The following THRB variants were observed in gnomAD, a reference collection of about 807,000 sequenced individuals.
THRB encodes the protein nuclear receptor subfamily 1 group A member 2.
THRB carries 12 observed loss-of-function variants against 47.8 expected under a neutral mutation model. The ratio of observed to expected loss-of-function variants is 0.25; its 90% CI spans 0.16 to 0.41. The LOEUF is 0.41. Among genes scored for constraint, THRB ranks in the 10% least tolerant of loss-of-function variants. The pLI is 1.00. For missense variants in THRB, 348 were observed against 589.2 expected (o/e 0.59, Z 4.24); for synonymous variants, 218 against 212.2 (o/e 1.03, Z -0.24).
intron 8 of THRB, among the ~76,000 whole-genome samples, chr3:24,141,035 A>G (rs1384753389): frequency 6.6e-6 from 1 of 152,252 alleles, no homozygotes. Flanking sequence ...CCCTCTAGGG[A>G]AAAATGGCTC....
In THRB at chr3:24,273,798, C is replaced by A. The variant is rs537738781; in HGVS notation, c.-43+23428G>T. ...ACAATACTATCTTCCCGAACCCCCC[C>A]ACCCCTCAAAAACCCAAGCAAACAA... is the stretch of plus-strand genomic sequence containing the variant. On this transcript the variant is annotated intron_variant, in intron 3 of 10. Transcript: ENST00000646209. Among the ~76,000 whole-genome samples the A allele has an allele frequency of 9.2e-5, 14 of 152,178 alleles. No homozygotes were observed. In the South Asian group the frequency reaches 1.9e-3, roughly 20 times the overall value.
At chr3:24,278,837 C>CATTT (rs1174463755) in intron 3 of THRB, among the ~76,000 whole-genome samples, 9 of 152,070 alleles carry the variant, frequency 5.9e-5, no homozygotes, top group Admixed American at 2.6e-4. Context: ...ATTTATATTA[C>CATTT]ATTTATTTAT....
chr3:24,397,938 G>A (rs750722048), intron 1 of THRB, among the ~76,000 whole-genome samples: 6 of 152,052 alleles, frequency 3.9e-5, no homozygotes, highest in Non-Finnish European at 7.4e-5. Context: ...TACTGGTGGC[G>A]TCAGACCGAA....
At chr3:24,329,161 T>C (rs766168936) in intron 2 of THRB, among the ~76,000 whole-genome samples, 1 of 151,976 alleles carries the variant, frequency 6.6e-6, no homozygotes, top group Non-Finnish European at 1.5e-5. Flanking sequence ...CCTAGGGTGG[T>C]CTCAAACTCC....
intron 2 of THRB, among the ~76,000 whole-genome samples, chr3:24,328,535 C>A (rs920050686): frequency 2.0e-5 from 3 of 152,220 alleles, no homozygotes; most frequent in Non-Finnish European, 4.4e-5. Flanking sequence ...CACCTACTTA[C>A]ACCCACTGCT....
At chr3:24,307,459 A>G (rs568647121) in intron 2 of THRB, among the ~76,000 whole-genome samples, 3 of 152,194 alleles carry the variant, frequency 2.0e-5, no homozygotes, top group Admixed American at 2.0e-4. Flanking sequence ...TCATAACCGA[A>G]CCATTTTCCC....
At chr3:24,303,925 T>C (rs1192471462) in intron 2 of THRB, among the ~76,000 whole-genome samples, 1 of 152,248 alleles carries the variant, frequency 6.6e-6, no homozygotes, top group Non-Finnish European at 1.5e-5. Flanking sequence ...CGATGTTTAA[T>C]TCCAGGAATA....
intron 3 of THRB, among the ~76,000 whole-genome samples, chr3:24,234,723 T>G (rs2048691153): frequency 6.6e-6 from 1 of 152,190 alleles, no homozygotes; most frequent in South Asian, 2.1e-4. Flanking sequence ...TGTAATTAAT[T>G]ACACCTGTAT....
chr3:24,226,625 C>G (rs894027766), intron 4 of THRB, among the ~76,000 whole-genome samples: 1 of 152,182 alleles, frequency 6.6e-6, no homozygotes, highest in Non-Finnish European at 1.5e-5. Flanking sequence ...CTGGCTTACC[C>G]TAGAGCTGTC....
intron 9 of THRB, among the ~76,000 whole-genome samples, chr3:24,128,863 C>CT (rs57890674): frequency 0.15 from 13,327 of 86,342 alleles, 2,177 homozygotes; most frequent in Non-Finnish European, 0.21. Context: ...AAACATAACT[C>CT]TTTTTTTTTT....
chr3:24,202,858 T>C (rs1040677359), intron 4 of THRB, among the ~76,000 whole-genome samples: 1 of 152,216 alleles, frequency 6.6e-6, no homozygotes, highest in African/African-American at 2.4e-5. Flanking sequence ...ACCTTTGCTA[T>C]CTTCTACAGG....
intron 4 of THRB, among the ~76,000 whole-genome samples, chr3:24,220,668 A>G (rs1001915107): frequency 6.6e-6 from 1 of 152,182 alleles, no homozygotes; most frequent in Non-Finnish European, 1.5e-5. Context: ...GTTTTTGCTA[A>G]TCTGACTAAA....
intron 1 of THRB, among the ~76,000 whole-genome samples, chr3:24,390,643 T>C (rs2066487475): frequency 6.6e-6 from 1 of 152,004 alleles, no homozygotes; most frequent in African/African-American, 2.4e-5. Flanking sequence ...TAGCTTTGCT[T>C]TATGGCCTTG....
rs192159911 is a variant in THRB, at chr3:24,454,067, C to T, written c.-261+40585G>A. ...AAAACGAAATAAAAATTTTGCAAAT[C>T]ATATCTCTGATAAGAAACTTGTATC... On this transcript the variant is annotated intron_variant, in intron 1 of 10. Coordinates refer to ENST00000646209, the MANE Select transcript of THRB (RefSeq NM_001354712.2). Among the ~76,000 whole-genome samples, 13 of 152,246 alleles carry T rather than the reference C, an allele frequency of 8.5e-5. No homozygotes were observed. The Middle Eastern group carries it at 0.01, about 120-fold the overall frequency.
intron 2 of THRB, among the ~76,000 whole-genome samples, chr3:24,321,852 C>G (rs9857466): frequency 0.47 from 71,959 of 151,816 alleles, 18,542 homozygotes; most frequent in African/African-American, 0.65. Flanking sequence ...TTTGAAGACA[C>G]CATGAAAAAT....
chr3:24,344,425 T>C (rs940623922), intron 1 of THRB, among the ~76,000 whole-genome samples: 2 of 152,124 alleles, frequency 1.3e-5, no homozygotes, highest in African/African-American at 4.8e-5. Flanking sequence ...TTTCTACTTG[T>C]AGTTGATCAA....
chr3:24,343,896 G>GAT (rs934884767), intron 1 of THRB, among the ~76,000 whole-genome samples: 19 of 146,238 alleles, frequency 1.3e-4, no homozygotes, highest in East Asian at 2.0e-4. Context: ...ATTACATACT[G>GAT]ATATATATAT....
At chr3:24,395,363 ATATATCT>A (rs1241993778) in intron 1 of THRB, among the ~76,000 whole-genome samples, 2 of 152,152 alleles carry the variant, frequency 1.3e-5, no homozygotes, top group Non-Finnish European at 2.9e-5. Context: ...TTTGAAAATC[ATATATCT>A]TATAAGAAAT....
At chr3:24,392,029 G>C (rs2066611357) in intron 1 of THRB, among the ~76,000 whole-genome samples, 2 of 152,188 alleles carry the variant, frequency 1.3e-5, no homozygotes, top group Non-Finnish European at 2.9e-5. Context: ...CTGCCCTCAT[G>C]GTGGCGACCC....
Sources: allele counts gnomAD v4.1 joint callset (sites outside exome capture counted in the v4.1 genomes callset), GRCh38; gene constraint gnomAD v4.1.1; transcripts MANE v1.5; gene names NCBI Gene and HGNC (gene_info 2026-07-23, HGNC 2026-07-21).